The following CHCHD3 variants were observed in gnomAD, a reference collection of about 807,000 sequenced individuals.
The protein encoded by CHCHD3 is coiled-coil-helix-coiled-coil-helix domain containing 3, also known as MICOS complex subunit MIC19.
Under a neutral mutation model 38.2 loss-of-function variants are expected in CHCHD3, and 20 were observed. That is an observed-to-expected ratio of 0.52 (90% CI 0.37 to 0.76). The LOEUF is 0.76. Among genes scored for constraint, CHCHD3 ranks in the 30% least tolerant of loss-of-function variants. The pLI, the probability that CHCHD3 is intolerant of heterozygous loss-of-function variation, is 0.00. For missense variants in CHCHD3, 245 were observed against 279.2 expected (o/e 0.88, Z 0.87); for synonymous variants, 82 against 100.0 (o/e 0.82, Z 1.07).
intron 5 of CHCHD3, among the ~76,000 whole-genome samples, chr7:132,841,297 C>T (rs1187969329): frequency 6.6e-6 from 1 of 151,316 alleles, no homozygotes; most frequent in African/African-American, 2.4e-5. Context: ...TGGAAAGTCA[C>T]AAATGCCGAG....
In CHCHD3 at chr7:132,885,653, T is replaced by C. The variant is rs780751926; in HGVS notation, c.453+9A>G. The C allele has an allele frequency of 3.2e-6, 5 of 1,584,054 alleles. No homozygotes were observed. The highest frequency in any genetic ancestry group is 4.6e-5 in the East Asian group (2 of 43,732). Reference sequence around the variant, plus strand: ...TGGTAATAGAATCAATGATAAAAAATAGTCATACCCTCTCCTCCAGTCTAG... The same window carrying C: ...TGGTAATAGAATCAATGATAAAAAACAGTCATACCCTCTCCTCCAGTCTAG... On this transcript the variant is annotated intron_variant, in intron 5 of 7. Coordinates refer to ENST00000262570, the MANE Select transcript of CHCHD3 (RefSeq NM_017812.4).
At chr7:132,980,200 A>G (rs1171971623) in intron 3 of CHCHD3, among the ~76,000 whole-genome samples, 1 of 152,234 alleles carries the variant, frequency 6.6e-6, no homozygotes, top group Non-Finnish European at 1.5e-5. Context: ...TTTTGGGAAC[A>G]CTTCACTAAG....
intron 4 of CHCHD3, among the ~76,000 whole-genome samples, chr7:132,908,621 C>G (rs901927437): frequency 1.3e-5 from 2 of 152,048 alleles, no homozygotes; most frequent in African/African-American, 4.8e-5. Flanking sequence ...GCTAAGATAC[C>G]CGAAGAAGAA....
chr7:132,789,572 C>G (rs1806407743), intron 7 of CHCHD3, among the ~76,000 whole-genome samples: 1 of 152,168 alleles, frequency 6.6e-6, no homozygotes, highest in Non-Finnish European at 1.5e-5. Flanking sequence ...AAGCAGTAAT[C>G]TCATCAACTG....
chr7:132,907,500 G>A (rs942626385), intron 4 of CHCHD3, among the ~76,000 whole-genome samples: 5 of 152,074 alleles, frequency 3.3e-5, no homozygotes, highest in African/African-American at 9.7e-5. Flanking sequence ...AAAGGCCATC[G>A]CAAGAAAGGG....
At position 132,845,383 on chromosome 7, in the gene CHCHD3, T is replaced by G. The variant is rs189459768; in HGVS notation, c.454-6914A>C. 4.8e-4 allele frequency among the ~76,000 whole-genome samples: 73 copies of G among 152,276 alleles called. 1 individual carries two copies. The East Asian group carries it at 0.014, about 28-fold the overall frequency. Reference sequence around the variant, plus strand: ...CCATTTTAATAAAAATTTAAATCTGTAAAACAAAAGCCTATTCTTCCATTA... The same window carrying G: ...CCATTTTAATAAAAATTTAAATCTGGAAAACAAAAGCCTATTCTTCCATTA... On this transcript the variant is annotated intron_variant, in intron 5 of 7. Coordinates refer to ENST00000262570, the MANE Select transcript of CHCHD3 (RefSeq NM_017812.4).
chr7:132,935,352 T>C lies in CHCHD3; in HGVS notation c.369+39817A>G, dbSNP rs551017995. On this transcript the variant is annotated intron_variant, in intron 4 of 7. Transcript: ENST00000262570. ...GTTGCTACCTACTATTGGACTATTA[T>C]ATCATTTTAGCATATCACACTAGCA... is the stretch of plus-strand genomic sequence containing the variant. 9.8e-4 allele frequency among the ~76,000 whole-genome samples: 149 copies of C among 152,334 alleles called. 1 individual carries two copies. The highest frequency in any genetic ancestry group is 3.4e-3 in the African/African-American group (141 of 41,572).
intron 3 of CHCHD3, among the ~76,000 whole-genome samples, chr7:133,010,951 G>C (rs753965249): frequency 2.0e-5 from 3 of 152,292 alleles, no homozygotes; most frequent in Admixed American, 2.0e-4. Context: ...GCAGGAAAAG[G>C]ACAGCTAGGA....
chr7:133,024,756 T>C, intron 2 of CHCHD3, 129 bp from the exon 3 acceptor site: 2 of 687,510 alleles, frequency 2.9e-6, no homozygotes, highest in Admixed American at 4.7e-5. Flanking sequence ...GGCCAGCGTC[T>C]CCTTGGAACT....
chr7:133,081,486 A>C (rs1815169680), intron 1 of CHCHD3, among the ~76,000 whole-genome samples: 1 of 152,174 alleles, frequency 6.6e-6, no homozygotes, highest in Admixed American at 6.5e-5. Context: ...ACAGTGGAAA[A>C]GCAGGGTTTG....
intron 5 of CHCHD3, among the ~76,000 whole-genome samples, chr7:132,867,666 T>C (rs34310740): frequency 6.6e-6 from 1 of 152,190 alleles, no homozygotes; most frequent in Non-Finnish European, 1.5e-5. Context: ...TTAAAATATG[T>C]ATCATGCACA....
At chr7:132,820,111 T>C (rs2117065818) in intron 6 of CHCHD3, among the ~76,000 whole-genome samples, 1 of 152,340 alleles carries the variant, frequency 6.6e-6, no homozygotes, top group East Asian at 1.9e-4. Flanking sequence ...ATGAGCATCT[T>C]GTGGTTGCAA....
intron 2 of CHCHD3, among the ~76,000 whole-genome samples, chr7:133,025,779 C>T (rs1372964924): frequency 6.6e-6 from 1 of 152,252 alleles, no homozygotes; most frequent in Non-Finnish European, 1.5e-5. Context: ...GCTGGGATTA[C>T]AGGCGTAAGC....
intron 4 of CHCHD3, among the ~76,000 whole-genome samples, chr7:132,900,568 T>C (rs1809641616): frequency 6.6e-6 from 1 of 152,056 alleles, no homozygotes; most frequent in Admixed American, 6.5e-5. Context: ...TAAAGAAAAC[T>C]ACTGACCCAG....
At chr7:132,825,811 C>T (rs1162722042) in intron 6 of CHCHD3, among the ~76,000 whole-genome samples, 1 of 152,224 alleles carries the variant, frequency 6.6e-6, no homozygotes, top group Non-Finnish European at 1.5e-5. Context: ...CTGCCCACAG[C>T]TTGCACAAGC....
chr7:132,907,263 G>A (rs1434268189), intron 4 of CHCHD3, among the ~76,000 whole-genome samples: 1 of 152,106 alleles, frequency 6.6e-6, no homozygotes, highest in Non-Finnish European at 1.5e-5. Flanking sequence ...TTTACACACA[G>A]AGCTATAAAA....
At chr7:132,887,640 T>C (rs1337282929) in intron 4 of CHCHD3, among the ~76,000 whole-genome samples, 4 of 10,196 alleles carry the variant, frequency 3.9e-4, no homozygotes, top group African/African-American at 1.2e-3. Context: ...ACAAAAGAAA[T>C]ATACACAAAT....
intron 3 of CHCHD3, among the ~76,000 whole-genome samples, chr7:132,991,996 C>T (rs1812295373): frequency 6.6e-6 from 1 of 152,184 alleles, no homozygotes; most frequent in African/African-American, 2.4e-5. Flanking sequence ...TCTCACCCCT[C>T]TTCTGCTCTC....
intron 4 of CHCHD3, among the ~76,000 whole-genome samples, chr7:132,926,750 T>C (rs1261834197): frequency 1.3e-5 from 2 of 152,240 alleles, no homozygotes; most frequent in Non-Finnish European, 2.9e-5. Flanking sequence ...AAATCATTTC[T>C]AGATTACTTC....
Sources: gnomAD v4.1 joint callset for allele counts (sites outside exome capture counted in the v4.1 genomes callset) on GRCh38, gnomAD v4.1.1 for gene constraint, MANE v1.5 for transcripts, NCBI Gene and HGNC (gene_info 2026-07-23, HGNC 2026-07-21) for gene names.